SAMSN1: variants seen among roughly 807,000 people sequenced by gnomAD.
SAMSN1 encodes the protein SAM domain, SH3 domain and nuclear localization signals 1.
Under a neutral mutation model 42.0 loss-of-function variants are expected in SAMSN1, and 31 were observed. That is an observed-to-expected ratio of 0.74 (90% CI 0.55 to 1.00). The LOEUF is 1.00. Among genes scored for constraint, SAMSN1 ranks in the 50% least tolerant of loss-of-function variants. The probability of loss-of-function intolerance (pLI) is 0.00; values close to 1 mark genes in which losing one functional copy is unlikely to be tolerated. For missense variants in SAMSN1, 464 were observed against 439.4 expected (o/e 1.06, Z -0.50); for synonymous variants, 178 against 151.9 (o/e 1.17, Z -1.26).
intron 2 of SAMSN1, among the ~76,000 whole-genome samples, chr21:14,639,656 C>A (rs973444434): frequency 2.0e-5 from 3 of 152,052 alleles, no homozygotes; most frequent in African/African-American, 7.2e-5. Context: ...GAGCTTCAGA[C>A]ATAAGGAGAT....
At chr21:14,544,860 G>A (rs1190108516) in intron 1 of SAMSN1, among the ~76,000 whole-genome samples, 1 of 151,888 alleles carries the variant, frequency 6.6e-6, no homozygotes, top group African/African-American at 2.4e-5. Flanking sequence ...AATACTTTGA[G>A]GTATATCATT....
chr21:14,512,657 T>G, intron 3 of SAMSN1, 84 bp from the exon 4 acceptor site: 3 of 1,193,148 alleles, frequency 2.5e-6, no homozygotes, highest in Non-Finnish European at 3.6e-6. Context: ...AATAGACACA[T>G]ATTTTAGCAA....
intron 2 of SAMSN1, among the ~76,000 whole-genome samples, chr21:14,631,945 AGAAGGAAG>A (rs111991572): frequency 1.1e-4 from 17 of 152,026 alleles, no homozygotes; most frequent in Non-Finnish European, 1.8e-4. Flanking sequence ...AGAAGTAGGA[AGAAGGAAG>A]GAAGGAAGGA....
upstream of SAMSN1, among the ~76,000 whole-genome samples, chr21:14,548,039 TG>T (rs1980479300): frequency 6.6e-6 from 1 of 152,190 alleles, no homozygotes; most frequent in Non-Finnish European, 1.5e-5. Context: ...ACTTTCAGTT[TG>T]GGCTTGGGTT....
chr21:14,566,069 A>T (rs1001465619), intron 2 of SAMSN1, among the ~76,000 whole-genome samples: 1 of 152,086 alleles, frequency 6.6e-6, no homozygotes, highest in African/African-American at 2.4e-5. Flanking sequence ...CTTTTTAACA[A>T]TTTTCCCAGA....
At position 14,577,282 on chromosome 21, in the gene SAMSN1, A is replaced by AT. The variant is rs1226237508; in HGVS notation, c.261+4853dup. On this transcript the variant is annotated intron_variant, in intron 2 of 8. Transcript: ENST00000285670. ...TATATATATATATATATATATATAT[A>AT]TATTTTTTTTTTAGAAGAGACAGGG... is the stretch of plus-strand genomic sequence containing the variant. 2.0e-3 allele frequency among the ~76,000 whole-genome samples: 100 copies of AT among 50,490 alleles called. 6 individuals are homozygous for AT. The highest frequency in any genetic ancestry group is 3.3e-3 in the South Asian group (5 of 1,494). 33.1% of individuals were successfully genotyped at this position (50,490 alleles called of 152,430 possible).
chr21:14,632,851 C>T (rs1983367002), intron 2 of SAMSN1, among the ~76,000 whole-genome samples: 1 of 152,148 alleles, frequency 6.6e-6, no homozygotes, highest in Non-Finnish European at 1.5e-5. Context: ...GGGCTGGAGG[C>T]CTTACTTTAT....
chr21:14,565,686 G>A (rs1241806737), intron 2 of SAMSN1, among the ~76,000 whole-genome samples: 2 of 152,160 alleles, frequency 1.3e-5, no homozygotes, highest in African/African-American at 2.4e-5. Flanking sequence ...GTGGATCAGA[G>A]AGTAGTGTGA....
chr21:14,500,523 G>T lies in SAMSN1; in HGVS notation c.768+6C>A. 1 of 1,612,298 alleles carries T rather than the reference G, an allele frequency of 6.2e-7. No homozygotes were observed. Among genetic ancestry groups the T allele is most frequent in the Non-Finnish European group, 8.5e-7 (1 of 1,178,484 alleles). ...CCAAAAGCAAACAGAACACAGATTT[G>T]CTCACCTGCAGATGAATCCTCTCTA... On this transcript the variant is annotated splice_donor_region_variant and intron_variant, in intron 6 of 7. Coordinates refer to ENST00000400566, the MANE Select transcript of SAMSN1 (RefSeq NM_022136.5).
chr21:14,607,188 C>A (rs1464719341), intron 5 of SAMSN1, among the ~76,000 whole-genome samples: 2 of 152,136 alleles, frequency 1.3e-5, no homozygotes, highest in African/African-American at 4.8e-5. Flanking sequence ...ACTTTCCTAT[C>A]TTTATCTCAC....
upstream of SAMSN1, among the ~76,000 whole-genome samples, chr21:14,547,688 C>T (rs975539940): frequency 6.6e-6 from 1 of 152,088 alleles, no homozygotes; most frequent in Non-Finnish European, 1.5e-5. Context: ...AGCTCCACCC[C>T]AAGGCCCAAA....
At chr21:14,590,874 AT>A (rs1164109987) in intron 7 of SAMSN1, among the ~76,000 whole-genome samples, 1 of 152,190 alleles carries the variant, frequency 6.6e-6, no homozygotes. Flanking sequence ...TAAAAAGATA[AT>A]TTTTAAGGTC....
At chr21:14,549,995 C>T (rs896075655), upstream of SAMSN1, among the ~76,000 whole-genome samples, 2 of 151,940 alleles carry the variant, frequency 1.3e-5, no homozygotes, top group African/African-American at 4.8e-5. Flanking sequence ...TGATGACGTT[C>T]TCTGCAATTC....
chr21:14,515,785 T>C (rs1202702945), intron 3 of SAMSN1, among the ~76,000 whole-genome samples: 1 of 152,140 alleles, frequency 6.6e-6, no homozygotes, highest in Non-Finnish European at 1.5e-5. Flanking sequence ...AAAAAACATT[T>C]AAAACTCAAC....
chr21:14,567,242 G>T (rs539858767), intron 2 of SAMSN1, among the ~76,000 whole-genome samples: 47 of 150,398 alleles, frequency 3.1e-4, no homozygotes, highest in African/African-American at 1.1e-3. Flanking sequence ...TAAATAAGAG[G>T]AAGTTGCACG....
chr21:14,584,054 TAAATGACTCACTCCTGCCCACTGTGA>T (rs1981846225), upstream of SAMSN1, among the ~76,000 whole-genome samples: 1 of 151,704 alleles, frequency 6.6e-6, no homozygotes, highest in East Asian at 1.9e-4. Context: ...GAAATATCTA[TAAATGACTCACTCCTGCCCACTGTGA>T]AACAGCGGAA....
intron 3 of SAMSN1, among the ~76,000 whole-genome samples, chr21:14,513,879 A>T (rs1370364695): frequency 6.6e-6 from 1 of 152,200 alleles, no homozygotes. Flanking sequence ...GGAGAATATT[A>T]GTGTGTGAGT....
chr21:14,518,995 C>A (rs2123026632), intron 2 of SAMSN1, among the ~76,000 whole-genome samples: 1 of 152,252 alleles, frequency 6.6e-6, no homozygotes, highest in African/African-American at 2.4e-5. Flanking sequence ...ACATATTTTT[C>A]AGGTTTTTCT....
chr21:14,549,058 A>C (rs1980517749), upstream of SAMSN1, among the ~76,000 whole-genome samples: 1 of 152,210 alleles, frequency 6.6e-6, no homozygotes, highest in Non-Finnish European at 1.5e-5. Flanking sequence ...ATGAGTAAAA[A>C]TTTTGAAGAA....
Sources: gnomAD v4.1 joint callset for allele counts (sites outside exome capture counted in the v4.1 genomes callset) on GRCh38, gnomAD v4.1.1 for gene constraint, MANE v1.5 for transcripts, NCBI Gene and HGNC (gene_info 2026-07-23, HGNC 2026-07-21) for gene names.